TESPA1: variants seen among roughly 807,000 people sequenced by gnomAD.
The protein encoded by TESPA1 is thymocyte expressed, positive selection associated 1.
A neutral mutation model predicts 57.9 loss-of-function variants in TESPA1; 33 were observed. The ratio of observed to expected loss-of-function variants is 0.57; its 90% confidence interval spans 0.43 to 0.76. The LOEUF (loss-of-function observed/expected upper bound fraction) is 0.76, where lower values mean the gene tolerates loss of function less well. Among genes scored for constraint, TESPA1 ranks in the 30% least tolerant of loss-of-function variants. The probability of loss-of-function intolerance (pLI) is 0.00; values close to 1 mark genes in which losing one functional copy is unlikely to be tolerated. For missense variants in TESPA1, 618 were observed against 632.9 expected (o/e 0.98, Z 0.25); for synonymous variants, 227 against 228.9 (o/e 0.99, Z 0.07).
chr12:54,980,367 A>G (rs1241096316), intron 1 of TESPA1, among the ~76,000 whole-genome samples: 1 of 152,234 alleles, frequency 6.6e-6, no homozygotes, highest in African/African-American at 2.4e-5. Context: ...TCAGGCTTAC[A>G]GAGTGGTTTT....
intron 10 of TESPA1, among the ~76,000 whole-genome samples, chr12:54,959,832 C>G (rs1294173455): frequency 2.0e-5 from 3 of 152,256 alleles, no homozygotes; most frequent in Non-Finnish European, 4.4e-5. Flanking sequence ...CAACTGAAAC[C>G]ATCTGAAACT....
At chr12:54,967,976 A>G in intron 3 of TESPA1, 84 bp from the exon 4 acceptor site, 2 of 1,597,060 alleles carry the variant, frequency 1.3e-6, no homozygotes, top group Admixed American at 1.7e-5. Flanking sequence ...ACACATATTC[A>G]TATTCTTTTC....
chr12:54,974,513 C>G lies in TESPA1; in HGVS notation c.50G>C (p.Trp17Ser). Reference sequence around the variant, plus strand: ...CTGCCAGTTACGGCTCTGACGGAGCCAGGCCCGCCGTTTCTCCCAGGATGT... The same window carrying G: ...CTGCCAGTTACGGCTCTGACGGAGCGAGGCCCGCCGTTTCTCCCAGGATGT... ...SPTSWEKRRA[W>S]LRQSRNWQTQ... The change falls in exon 2 of 11, where the codon TGG becomes TCG. Residue 17 changes from tryptophan (W) to serine (S), a missense_variant. Physicochemically the swap from Trp to Ser is radical, Grantham distance 177 (BLOSUM62 -3). This residue lies in a region of TESPA1 where 199 missense variants were observed against 184.0 expected (regional missense o/e 1.08). Coordinates refer to ENST00000449076, the MANE Select transcript of TESPA1 (RefSeq NM_001136030.3). 6.3e-7 allele frequency: 1 copy of G among 1,599,294 alleles called. No individual in the cohort carries two copies. Among genetic ancestry groups the G allele is most frequent in the Non-Finnish European group, 8.5e-7 (1 of 1,172,648 alleles).
intron 5 of TESPA1, 62 bp from the exon 6 acceptor site, chr12:54,966,486 GCC>G: frequency 6.3e-7 from 1 of 1,580,036 alleles, no homozygotes; most frequent in Non-Finnish European, 8.6e-7. Flanking sequence ...CACCTGTGTT[GCC>G]CCTCTGAACC....
intron 10 of TESPA1, among the ~76,000 whole-genome samples, chr12:54,950,603 T>C (rs1950320722): frequency 6.6e-6 from 1 of 152,196 alleles, no homozygotes; most frequent in Non-Finnish European, 1.5e-5. Flanking sequence ...GTTTACCTCT[T>C]ACTGTTTAAT....
At chr12:54,980,373 GT>G (rs1301989212) in intron 1 of TESPA1, among the ~76,000 whole-genome samples, 1 of 152,166 alleles carries the variant, frequency 6.6e-6, no homozygotes, top group Non-Finnish European at 1.5e-5. Flanking sequence ...TTACAGAGTG[GT>G]TTTTTTGGCA....
intron 10 of TESPA1, 147 bp downstream of exon 10, chr12:54,961,021 G>T (rs1014542293): frequency 1.3e-5 from 12 of 929,448 alleles, no homozygotes; most frequent in Non-Finnish European, 5.0e-6. Flanking sequence ...TTACCTGGAA[G>T]CTTAAAATAA....
intron 7 of TESPA1, among the ~76,000 whole-genome samples, chr12:54,964,737 G>A (rs531897477): frequency 1.4e-4 from 21 of 152,266 alleles, no homozygotes; most frequent in African/African-American, 4.8e-4. Flanking sequence ...ATAGCTGGAC[G>A]GTCGGAATCC....
intron 9 of TESPA1, 130 bp from the exon 10 acceptor site, chr12:54,961,397 A>C: frequency 1.1e-6 from 1 of 929,762 alleles, no homozygotes; most frequent in Non-Finnish European, 1.7e-6. Context: ...CTGTGGTGTC[A>C]GGGACACAGT....
intron 3 of TESPA1, among the ~76,000 whole-genome samples, chr12:54,970,903 C>A (rs1951790426): frequency 1.3e-5 from 2 of 152,206 alleles, no homozygotes; most frequent in Non-Finnish European, 2.9e-5. Context: ...GAAGCCCACA[C>A]AGATGATTTT....
intron 10 of TESPA1, among the ~76,000 whole-genome samples, chr12:54,956,389 A>G (rs567328942): frequency 2.0e-5 from 3 of 152,336 alleles, no homozygotes; most frequent in African/African-American, 7.2e-5. Flanking sequence ...TGGTAAAAGA[A>G]ACAAAAAGAA....
chr12:54,966,112 A>T lies in TESPA1; in HGVS notation c.387T>A (p.Asp129Glu). ...TGCTGGAAGCCAAACTACAGCCAAG[A>T]TCAAGTAGCTGGCAAGGCCTGGCTG... ...LETARPCQLL[D>E]LGCSLASSSM... Residue 129 changes from aspartate to glutamate, a missense_variant, in exon 7 of 11, where the codon GAT (aspartate) becomes GAA (glutamate). This residue lies in a region of TESPA1 where 199 missense variants were observed against 184.0 expected (regional missense o/e 1.08). Transcript: ENST00000449076. 1.3e-6 allele frequency: 2 copies of T among 1,576,656 alleles called. No individual in the cohort carries two copies. Among genetic ancestry groups the T allele is most frequent in the East Asian group, 2.3e-5 (1 of 42,910 alleles).
intron 1 of TESPA1, chr12:54,984,080 T>G (rs1245935619): frequency 6.6e-6 from 1 of 152,198 alleles, no homozygotes; most frequent in Non-Finnish European, 1.5e-5. Flanking sequence ...CTACAGCTTC[T>G]GAAGAAAGAG....
At chr12:54,959,040 C>T (rs1950911706) in intron 10 of TESPA1, among the ~76,000 whole-genome samples, 1 of 152,140 alleles carries the variant, frequency 6.6e-6, no homozygotes. Flanking sequence ...TTGCCTTTTA[C>T]TATGTCTTTT....
Position 54,963,839 on chromosome 12 carries a change from G to A in TESPA1, c.558C>T (p.Phe186=). Residue 186 remains phenylalanine (F), a synonymous_variant, in exon 8 of 11, where the codon TTC becomes TTT. Transcript: ENST00000449076. ...KDTSRIPARF[F]TTPSQAKGID... Reference sequence around the variant, plus strand: ...TGCCCTTGGCCTGAGAGGGGGTGGTGAAAAATCGGGCGGGTATCCGAGAAG... The same window carrying A: ...TGCCCTTGGCCTGAGAGGGGGTGGTAAAAAATCGGGCGGGTATCCGAGAAG... 2 of 1,613,974 alleles carry A rather than the reference G, an allele frequency of 1.2e-6. No individual in the cohort carries two copies. The highest frequency in any genetic ancestry group is 1.7e-6 in the Non-Finnish European group (2 of 1,179,858).
intron 1 of TESPA1, among the ~76,000 whole-genome samples, chr12:54,983,125 A>G (rs1430947501): frequency 6.6e-6 from 1 of 152,176 alleles, no homozygotes; most frequent in Non-Finnish European, 1.5e-5. Context: ...AGACCTCCAT[A>G]CTAGAATCCA....
rs1950220612 is a variant in TESPA1, at chr12:54,948,835, C to T, written c.*1557G>A. 1 of 152,214 alleles carries T rather than the reference C, an allele frequency of 6.6e-6. No homozygotes were observed. Among genetic ancestry groups the T allele is most frequent in the South Asian group, 2.1e-4 (1 of 4,832 alleles). The allele number at this position is 152,214 out of a possible 1,614,324, so 9.4% of individuals were successfully genotyped here. On this transcript the variant is annotated 3_prime_UTR_variant, in exon 11 of 11. Coordinates refer to ENST00000449076, the MANE Select transcript of TESPA1 (RefSeq NM_001136030.3). ...GTGACAAGATAGCCTTAACTTTCCCCTCAGCTTGACCAAATAGGTTTCTTC... is the reference window on the plus strand; with the variant it reads ...GTGACAAGATAGCCTTAACTTTCCCTTCAGCTTGACCAAATAGGTTTCTTC...
At chr12:54,965,948 G>A in intron 7 of TESPA1, 105 bp downstream of exon 7, 1 of 1,071,822 alleles carries the variant, frequency 9.3e-7, no homozygotes, top group Non-Finnish European at 1.4e-6. Context: ...GTGCATAAAA[G>A]CTCCAGTAAG....
chr12:54,979,985 C>A (rs1242994330), intron 1 of TESPA1, among the ~76,000 whole-genome samples: 1 of 152,118 alleles, frequency 6.6e-6, no homozygotes, highest in Non-Finnish European at 1.5e-5. Context: ...ATTATGGTTA[C>A]CTGACCCTCA....
Sources: allele counts gnomAD v4.1 joint callset (sites outside exome capture counted in the v4.1 genomes callset), GRCh38; gene constraint gnomAD v4.1.1; regional missense constraint gnomAD v4.1.1; transcripts MANE v1.5; gene names NCBI Gene and HGNC (gene_info 2026-07-23, HGNC 2026-07-21).